TATDN2: variants seen among roughly 807,000 people sequenced by gnomAD.
TATDN2 encodes the protein TatD DNase domain containing 2.
In TATDN2, 44 loss-of-function variants were observed where a neutral mutation model predicts 60.3. The ratio of observed to expected loss-of-function variants is 0.73; its 90% CI spans 0.57 to 0.94. The LOEUF (loss-of-function observed/expected upper bound fraction) is 0.94. Among genes scored for constraint, TATDN2 ranks in the 40% least tolerant of loss-of-function variants. The pLI is 0.00. For missense variants in TATDN2, 997 were observed against 948.0 expected (o/e 1.05, Z -0.68); for synonymous variants, 399 against 355.8 (o/e 1.12, Z -1.37).
intron 4 of TATDN2, among the ~76,000 whole-genome samples, chr3:10,273,244 A>C (rs1243638820): frequency 6.6e-6 from 1 of 152,198 alleles, no homozygotes; most frequent in Non-Finnish European, 1.5e-5. Flanking sequence ...GAGGAAGACT[A>C]GAAAATATTT....
rs1698532336 is a variant in TATDN2 at position 10,270,010 on chromosome 3, A to G, written c.949-121A>G. On this transcript the variant is annotated intron_variant, in intron 3 of 7. Coordinates refer to ENST00000448281, the MANE Select transcript of TATDN2 (RefSeq NM_014760.4). Reference sequence around the variant, plus strand: ...GGTGACAGGGTGAGCTAATGAGCCAATGCAAAGCCATCACCATGGCCAGAA... The same window carrying G: ...GGTGACAGGGTGAGCTAATGAGCCAGTGCAAAGCCATCACCATGGCCAGAA... 4 of 1,308,066 alleles carry G rather than the reference A, an allele frequency of 3.1e-6. No individual in the cohort carries two copies. The East Asian group carries it at 7.0e-5, about 23-fold the overall frequency. 81.0% of individuals were successfully genotyped at this position (1,308,066 alleles called of 1,614,324 possible). A position where few individuals can be genotyped will look rare whatever the true frequency, so the allele number is the denominator to read the frequency against.
rs771539226 is a variant in TATDN2 at position 10,249,452 on chromosome 3, C to T, written c.252C>T (p.Phe84=). 7 of 1,613,812 alleles carry T rather than the reference C, an allele frequency of 4.3e-6. No homozygotes were observed. Among genetic ancestry groups the T allele is most frequent in the African/African-American group, 2.7e-5 (2 of 74,940 alleles). ...GCAGAAATAACTCCTCCTCCTCCTT[C>T]TCCCCACATTTCTTGGGCCCTGGTG... The part of the protein sequence containing the change: ...SRRRNNSSSS[F]SPHFLGPGVG... Residue 84 remains phenylalanine (F), a synonymous_variant, in exon 2 of 8, where the codon TTC becomes TTT. Coordinates refer to ENST00000448281, the MANE Select transcript of TATDN2 (RefSeq NM_014760.4).
intron 3 of TATDN2, among the ~76,000 whole-genome samples, chr3:10,261,949 A>G (rs761290856): frequency 6.6e-6 from 1 of 152,156 alleles, no homozygotes; most frequent in Non-Finnish European, 1.5e-5. Context: ...AAGTCTGTGT[A>G]AGATTTGTTA....
Position 10,249,009 on chromosome 3 carries a change from C to A in TATDN2, c.-65C>A. On this transcript the variant is annotated 5_prime_UTR_variant, in exon 1 of 8. Coordinates refer to ENST00000448281, the MANE Select transcript of TATDN2 (RefSeq NM_014760.4). Reference sequence around the variant, plus strand: ...TTGGATCGCTTTGACTTCTCCAACACGGTTTGGCATCTCTGAAACCTTGAG... The same window carrying A: ...TTGGATCGCTTTGACTTCTCCAACAAGGTTTGGCATCTCTGAAACCTTGAG... 1 of 582,082 alleles carries A rather than the reference C, an allele frequency of 1.7e-6. No homozygotes were observed. Among genetic ancestry groups the A allele is most frequent in the Non-Finnish European group, 2.6e-6 (1 of 386,384 alleles). 36.1% of individuals were successfully genotyped at this position (582,082 alleles called of 1,614,324 possible).
At chr3:10,259,984 G>T (rs1698374944) in intron 2 of TATDN2, among the ~76,000 whole-genome samples, 153 bp from the exon 3 acceptor site, 1 of 152,210 alleles carries the variant, frequency 6.6e-6, no homozygotes, top group African/African-American at 2.4e-5. Context: ...CCCTCTTACA[G>T]TGCCACTTCA....
In TATDN2 at chr3:10,270,466, A is replaced by G. The variant is rs367582665; in HGVS notation, c.1284A>G (p.Gln428=). The G allele has an allele frequency of 1.2e-5, 19 of 1,614,188 alleles. 1 individual carries two copies. The highest frequency in any genetic ancestry group is 1.4e-5 in the Non-Finnish European group (17 of 1,180,026). The change falls in exon 4 of 8, where the codon CAA becomes CAG. Residue 428 remains glutamine, a synonymous_variant. Coordinates refer to ENST00000448281, the MANE Select transcript of TATDN2 (RefSeq NM_014760.4). Reference sequence around the variant, plus strand: ...CCCCCAACTCTACAGGGAGTGTCCAAAACACCTCCAGAGACATGGAGGCCT... The same window carrying G: ...CCCCCAACTCTACAGGGAGTGTCCAGAACACCTCCAGAGACATGGAGGCCT... ...DYSPNSTGSV[Q]NTSRDMEASE...
At position 10,278,973 on chromosome 3, in the gene TATDN2, C is replaced by A. The variant is rs1436010738; in HGVS notation, c.2234C>A (p.Ser745Tyr). The change falls in exon 7 of 8, where the codon TCC (serine) becomes TAC (tyrosine). Residue 745 changes from serine (S) to tyrosine (Y), a missense_variant. By Grantham distance (144) the Ser-to-Tyr change is moderately radical. Coordinates refer to ENST00000448281, the MANE Select transcript of TATDN2 (RefSeq NM_014760.4). The surrounding 1 kb of genome is among the most constrained non-coding windows in gnomAD (Gnocchi z 4.7). ...GCCAGAGTCAAAGATCAGCCACTCTCCCTCACCTTGGCTGCCTTGCGTGAG... is the reference window on the plus strand; with the variant it reads ...GCCAGAGTCAAAGATCAGCCACTCTACCTCACCTTGGCTGCCTTGCGTGAG... ...EIARVKDQPL[S>Y]LTLAALRENT... 1.9e-6 allele frequency: 3 copies of A among 1,614,254 alleles called. No individual in the cohort carries two copies. Among genetic ancestry groups the A allele is most frequent in the African/African-American group, 2.7e-5 (2 of 75,074 alleles).
At chr3:10,256,064 C>A (rs772889384) in intron 2 of TATDN2, among the ~76,000 whole-genome samples, 1 of 152,204 alleles carries the variant, frequency 6.6e-6, no homozygotes, top group African/African-American at 2.4e-5. Context: ...TTATCACTCT[C>A]TAACATACAT....
At position 10,270,749 on chromosome 3, in the gene TATDN2, A is replaced by G. The variant is rs1181975424; in HGVS notation, c.1567A>G (p.Ser523Gly). ...GTFTKFRKIY[S>G]SSFPKEFQGC... ...CTTTACAAAGTTCAGAAAAATTTACAGCAGCTCCTTCCCTAAGGAATTTCA... is the reference window on the plus strand; with the variant it reads ...CTTTACAAAGTTCAGAAAAATTTACGGCAGCTCCTTCCCTAAGGAATTTCA... Residue 523 changes from serine to glycine, a missense_variant, in exon 4 of 8, where the codon AGC becomes GGC. Transcript: ENST00000448281. The G allele has an allele frequency of 5.0e-6, 8 of 1,614,216 alleles. No homozygotes were observed. The highest frequency in any genetic ancestry group is 1.6e-4 in the Middle Eastern group (1 of 6,062).
chr3:10,269,480 A>G (rs1698525894), intron 3 of TATDN2, among the ~76,000 whole-genome samples: 1 of 152,316 alleles, frequency 6.6e-6, no homozygotes, highest in East Asian at 1.9e-4. Flanking sequence ...AGGCCAAGGC[A>G]GGAGGATTGC....
chr3:10,248,558 CTG>C lies in TATDN2; in HGVS notation c.-514_-513del. On this transcript the variant is annotated 5_prime_UTR_variant, in exon 1 of 8. Transcript: ENST00000448281. ...CGGGCGGAGGCCGGGCCAGGCGGGG[CTG>C]TAGGGCTGGGGCAGGCGGCGGGCTG... The C allele has an allele frequency of 6.6e-6, 1 of 152,170 alleles. No homozygotes were observed. The allele number at this position is 152,170 out of a possible 1,614,324, so 9.4% of individuals were successfully genotyped here.
intron 3 of TATDN2, among the ~76,000 whole-genome samples, chr3:10,267,001 C>G (rs559535778): frequency 6.9e-6 from 1 of 145,828 alleles, no homozygotes; most frequent in East Asian, 2.1e-4. Context: ...CTCACTGCAA[C>G]TTCTGCCTCC....
At chr3:10,250,071 C>G (rs544440291) in intron 2 of TATDN2, among the ~76,000 whole-genome samples, 1 of 152,020 alleles carries the variant, frequency 6.6e-6, no homozygotes, top group Non-Finnish European at 1.5e-5. Context: ...GTACTTTGAA[C>G]CACTCTGAAT....
intron 2 of TATDN2, among the ~76,000 whole-genome samples, chr3:10,254,203 T>G (rs1208535225): frequency 6.6e-6 from 1 of 152,124 alleles, no homozygotes; most frequent in African/African-American, 2.4e-5. Context: ...GACTGAGAAG[T>G]CACTCACCAC....
intron 3 of TATDN2, 128 bp downstream of exon 3, chr3:10,260,798 C>A: frequency 9.7e-7 from 1 of 1,033,430 alleles, no homozygotes; most frequent in Non-Finnish European, 1.4e-6. Context: ...CTCCAGGGAA[C>A]AAACTGATGG....
At chr3:10,262,269 C>T (rs986199992) in intron 3 of TATDN2, among the ~76,000 whole-genome samples, 4 of 152,184 alleles carry the variant, frequency 2.6e-5, no homozygotes, top group Non-Finnish European at 5.9e-5. Flanking sequence ...ACATTTCTCC[C>T]GGATTGAGTC....
In TATDN2 at chr3:10,248,538, G is replaced by C. The variant is rs1380780286; in HGVS notation, c.-536G>C. On this transcript the variant is annotated 5_prime_UTR_variant, in exon 1 of 8. Transcript: ENST00000448281. ...AGGCCGGAGTGGTCGCAGTTCGGGCGGAGGCCGGGCCAGGCGGGGCTGTAG... is the reference window on the plus strand; with the variant it reads ...AGGCCGGAGTGGTCGCAGTTCGGGCCGAGGCCGGGCCAGGCGGGGCTGTAG... The C allele has an allele frequency of 2.6e-5, 4 of 152,088 alleles. No individual in the cohort carries two copies. The highest frequency in any genetic ancestry group is 5.9e-5 in the Non-Finnish European group (4 of 68,060). The allele number at this position is 152,088 out of a possible 1,614,324, so 9.4% of individuals were successfully genotyped here.
intron 2 of TATDN2, among the ~76,000 whole-genome samples, chr3:10,253,895 T>G (rs1471503196): frequency 3.9e-5 from 6 of 152,214 alleles, no homozygotes; most frequent in Admixed American, 1.3e-4. Flanking sequence ...AATATCAGAT[T>G]AGTCCAACTT....
In TATDN2 at chr3:10,270,579, A is replaced by G. The variant is rs933810527; in HGVS notation, c.1397A>G (p.Gln466Arg). ...GAGGTGAAGGAGAAAAGAACATTCC[A>G]AGAGGAGATGCCTCCGCGTCCTTGT... ...EREVKEKRTF[Q>R]EEMPPRPCGG... The change falls in exon 4 of 8, where the codon CAA (glutamine) becomes CGA (arginine). Residue 466 changes from glutamine to arginine, a missense_variant. Coordinates refer to ENST00000448281, the MANE Select transcript of TATDN2 (RefSeq NM_014760.4). 2 of 1,614,110 alleles carry G rather than the reference A, an allele frequency of 1.2e-6. No individual in the cohort carries two copies. The highest frequency in any genetic ancestry group is 2.7e-5 in the African/African-American group (2 of 74,930).
Sources: gnomAD v4.1 joint callset for allele counts (sites outside exome capture counted in the v4.1 genomes callset) on GRCh38, gnomAD v4.1.1 for gene constraint, Gnocchi (gnomAD v3.1) non-coding constraint, MANE v1.5 for transcripts, NCBI Gene and HGNC (gene_info 2026-07-23, HGNC 2026-07-21) for gene names.